Variants in PAX5 observed in about 807,000 individuals in gnomAD.
PAX5 encodes paired box 5.
In PAX5, 9 loss-of-function variants were observed where a neutral mutation model predicts 43.7. The observed-to-expected ratio is 0.21, with a 90% confidence interval of 0.12 to 0.36. PAX5 has a LOEUF of 0.36. Among genes scored for constraint, PAX5 ranks in the 10% least tolerant of loss-of-function variants. PAX5 has a pLI of 1.00. For synonymous variants in PAX5, 228 were observed against 214.3 expected (o/e 1.06, Z -0.56); for missense variants, 383 against 532.7 (o/e 0.72, Z 2.77).
chr9:37,006,211 AT>A lies in PAX5; in HGVS notation c.475+261del, dbSNP rs5897669. ...ACATTCTATAGACCCCCATTAGTGG[AT>A]TTTTTTTTGGCTTAGATTTCAATTT... On this transcript the variant is annotated intron_variant, in intron 4 of 9. Transcript: ENST00000358127. Among the ~76,000 whole-genome samples, 443 of 151,424 alleles carry A rather than the reference AT, an allele frequency of 2.9e-3. 2 individuals carry two copies. Among genetic ancestry groups the A allele is most frequent in the African/African-American group, 9.4e-3 (387 of 41,284 alleles).
chr9:36,847,829 G>C (rs1232409250), intron 8 of PAX5, among the ~76,000 whole-genome samples: 3 of 152,180 alleles, frequency 2.0e-5, no homozygotes, highest in Non-Finnish European at 2.9e-5. Flanking sequence ...AGGTCACTAG[G>C]AGGAGAGTTC....
At chr9:36,978,503 G>GAAAT (rs61136613) in intron 5 of PAX5, among the ~76,000 whole-genome samples, 57,039 of 150,494 alleles carry the variant, frequency 0.38, 11,141 homozygotes, top group East Asian at 0.6. Context: ...CCACTGCACA[G>GAAAT]AAATAAATAA....
At chr9:36,988,505 T>A (rs1039861708) in intron 5 of PAX5, among the ~76,000 whole-genome samples, 15 of 151,616 alleles carry the variant, frequency 9.9e-5, no homozygotes, top group Middle Eastern at 6.8e-3. Flanking sequence ...GACAAAAAAA[T>A]TTTAAAAAAT....
intron 8 of PAX5, among the ~76,000 whole-genome samples, chr9:36,875,150 G>A (rs1000970750): frequency 6.6e-6 from 1 of 152,216 alleles, no homozygotes; most frequent in East Asian, 1.9e-4. Flanking sequence ...CTCTAACAGC[G>A]CTACCACTCC....
chr9:36,933,505 A>G (rs1272758068), intron 6 of PAX5, among the ~76,000 whole-genome samples: 1 of 152,232 alleles, frequency 6.6e-6, no homozygotes, highest in Non-Finnish European at 1.5e-5. Flanking sequence ...ATGCAGAACT[A>G]GAGCTCAGAG....
intron 7 of PAX5, among the ~76,000 whole-genome samples, chr9:36,892,528 G>A (rs570853989): frequency 6.6e-6 from 1 of 152,262 alleles, no homozygotes; most frequent in Non-Finnish European, 1.5e-5. Flanking sequence ...CTCTTAAGAG[G>A]TGAGCTGGAT....
At chr9:36,931,016 T>C (rs1210266154) in intron 6 of PAX5, 2 of 494,124 alleles carry the variant, frequency 4.0e-6, no homozygotes, top group Non-Finnish European at 7.7e-6. Context: ...GGGCAGCGCA[T>C]GGGGCAAGGC....
chr9:36,878,364 G>A (rs905969068), intron 8 of PAX5, among the ~76,000 whole-genome samples: 4 of 152,232 alleles, frequency 2.6e-5, no homozygotes, highest in Non-Finnish European at 5.9e-5. Flanking sequence ...TGGACGTGGC[G>A]TAGGGGGCTG....
chr9:36,848,825 C>G (rs772006865), intron 8 of PAX5, among the ~76,000 whole-genome samples: 59 of 152,356 alleles, frequency 3.9e-4, no homozygotes, highest in Non-Finnish European at 7.5e-4. Context: ...GTGCAAGTCT[C>G]AGGTCCATCT....
intron 1 of PAX5, among the ~76,000 whole-genome samples, chr9:37,027,492 C>A (rs1265749786): frequency 6.6e-6 from 1 of 152,254 alleles, no homozygotes; most frequent in African/African-American, 2.4e-5. Context: ...GCCGCCGTGC[C>A]TGCCCCAGGC....
chr9:36,855,467 C>T (rs771759458), intron 8 of PAX5, among the ~76,000 whole-genome samples: 12 of 151,920 alleles, frequency 7.9e-5, no homozygotes, highest in Non-Finnish European at 1.5e-4. Context: ...CTGTCCTGTC[C>T]TGCCCTCATC....
chr9:36,867,911 C>T (rs1182441533), intron 8 of PAX5, among the ~76,000 whole-genome samples: 4 of 152,154 alleles, frequency 2.6e-5, no homozygotes, highest in Non-Finnish European at 5.9e-5. Context: ...ATCTGGGCTT[C>T]GCGGGTCCCA....
chr9:36,834,417 A>AAT lies in PAX5; in HGVS notation c.*6142_*6143insAT. Reference sequence around the variant, plus strand: ...TGTCTGAGGTGTAGGGGAGTGAGTGAGTGTGTGTGTGTGTGTGTGTGTGTG... The same window carrying AAT: ...TGTCTGAGGTGTAGGGGAGTGAGTGAATGTGTGTGTGTGTGTGTGTGTGTGTG... On this transcript the variant is annotated 3_prime_UTR_variant, in exon 10 of 10. Transcript: ENST00000358127. 1 of 223,424 alleles carries AAT rather than the reference A, an allele frequency of 4.5e-6. No individual in the cohort carries two copies. The highest frequency in any genetic ancestry group is 6.2e-5 in the East Asian group (1 of 16,060). The allele number at this position is 223,424 out of a possible 1,614,324, so 13.8% of individuals were successfully genotyped here. A position where few individuals can be genotyped will look rare whatever the true frequency, so the allele number is the denominator to read the frequency against.
intron 7 of PAX5, among the ~76,000 whole-genome samples, chr9:36,893,806 C>T (rs1353063701): frequency 3.9e-5 from 6 of 152,198 alleles, no homozygotes; most frequent in Non-Finnish European, 7.3e-5. Context: ...ACTGTATCGG[C>T]GAGGTTCAGT....
At chr9:36,954,395 T>C (rs934774813) in intron 6 of PAX5, among the ~76,000 whole-genome samples, 8 of 152,254 alleles carry the variant, frequency 5.3e-5, no homozygotes, top group South Asian at 2.1e-4. Context: ...TCTTTCTTAT[T>C]GAAGTACATG....
intron 8 of PAX5, among the ~76,000 whole-genome samples, chr9:36,879,388 G>A (rs143563146): frequency 0.015 from 2,353 of 152,322 alleles, 25 homozygotes; most frequent in Non-Finnish European, 0.025. Context: ...GTTTCCAGTG[G>A]GGGGCTGAGA....
At chr9:36,884,274 T>C (rs1170569893) in intron 7 of PAX5, among the ~76,000 whole-genome samples, 1 of 152,196 alleles carries the variant, frequency 6.6e-6, no homozygotes, top group Non-Finnish European at 1.5e-5. Context: ...TTGGGCAATA[T>C]TACAGAAAGA....
chr9:36,932,217 G>A (rs961831438), intron 6 of PAX5, among the ~76,000 whole-genome samples: 3 of 152,202 alleles, frequency 2.0e-5, no homozygotes, highest in Non-Finnish European at 4.4e-5. Context: ...AGGCCACAGT[G>A]AGCCTTGATC....
At position 37,033,977 on chromosome 9, in the gene PAX5, C is replaced by T; in HGVS notation, c.46+9G>A. 4 of 1,611,190 alleles carry T rather than the reference C, an allele frequency of 2.5e-6. No homozygotes were observed. The highest frequency in any genetic ancestry group is 3.4e-6 in the Non-Finnish European group (4 of 1,179,280). ...GTTTGCACATCTGGAGCCCGTATCGCGGTCCTACCTGTCCTGCTGGTCCGA... is the reference window on the plus strand; with the variant it reads ...GTTTGCACATCTGGAGCCCGTATCGTGGTCCTACCTGTCCTGCTGGTCCGA... On this transcript the variant is annotated intron_variant, in intron 1 of 9. Coordinates refer to ENST00000358127, the MANE Select transcript of PAX5 (RefSeq NM_016734.3).
Sources: allele counts gnomAD v4.1 joint callset (sites outside exome capture counted in the v4.1 genomes callset), GRCh38; gene constraint gnomAD v4.1.1; transcripts MANE v1.5; gene names NCBI Gene and HGNC (gene_info 2026-07-23, HGNC 2026-07-21).